RNF130: variants seen among roughly 807,000 people sequenced by gnomAD.
RNF130 encodes the protein E3 ubiquitin-protein ligase RNF130.
RNF130 carries 21 observed loss-of-function variants against 44.6 expected under a neutral mutation model. The observed-to-expected ratio is 0.47, with a 90% confidence interval of 0.33 to 0.68. The LOEUF is 0.68. Ranked by LOEUF, RNF130 falls within the 30% of genes least tolerant of loss-of-function variation. RNF130 has a pLI of 0.02. For missense variants in RNF130, 479 were observed against 560.6 expected, an observed-to-expected ratio of 0.85 and a Z score of 1.47; for synonymous variants, 214 against 210.4, an observed-to-expected ratio of 1.02 and a Z score of -0.15.
chr5:179,991,911 A>T (rs558397723), intron 3 of RNF130, among the ~76,000 whole-genome samples: 1 of 152,048 alleles, frequency 6.6e-6, no homozygotes, highest in Non-Finnish European at 1.5e-5. Flanking sequence ...CATGAGGAGC[A>T]CTCAACCTAG....
chr5:179,987,139 C>G (rs1320028650), intron 3 of RNF130, among the ~76,000 whole-genome samples: 1 of 151,812 alleles, frequency 6.6e-6, no homozygotes, highest in African/African-American at 2.4e-5. Flanking sequence ...CCCTTCCTCC[C>G]TTCCTCCTTT....
chr5:179,965,203 A>G (rs567189310), intron 7 of RNF130, among the ~76,000 whole-genome samples: 1 of 152,292 alleles, frequency 6.6e-6, no homozygotes, highest in Non-Finnish European at 1.5e-5. Flanking sequence ...AAAACACCCA[A>G]TATGCTGGCA....
chr5:179,949,801 C>T (rs919067443), intron 7 of RNF130, among the ~76,000 whole-genome samples: 2 of 152,186 alleles, frequency 1.3e-5, no homozygotes, highest in Non-Finnish European at 2.9e-5. Context: ...TTCAGAAATG[C>T]TGTAAATAAT....
At chr5:180,068,285 G>C (rs1266487945) in intron 1 of RNF130, among the ~76,000 whole-genome samples, 1 of 151,330 alleles carries the variant, frequency 6.6e-6, no homozygotes, top group Non-Finnish European at 1.5e-5. Flanking sequence ...TAAATATTTT[G>C]CTCCTAGTTC....
At chr5:179,970,038 C>G (rs912259497) in intron 6 of RNF130, among the ~76,000 whole-genome samples, 1 of 152,090 alleles carries the variant, frequency 6.6e-6, no homozygotes, top group African/African-American at 2.4e-5. Context: ...TGCCTGTAGT[C>G]CCAGCTACTC....
intron 1 of RNF130, among the ~76,000 whole-genome samples, chr5:180,067,135 T>C (rs1013905073): frequency 6.6e-6 from 1 of 152,172 alleles, no homozygotes; most frequent in African/African-American, 2.4e-5. Context: ...CAGCGCAAGA[T>C]TAGACAGGGC....
At chr5:180,017,105 A>G (rs1763757726) in intron 2 of RNF130, among the ~76,000 whole-genome samples, 1 of 152,186 alleles carries the variant, frequency 6.6e-6, no homozygotes, top group South Asian at 2.1e-4. Context: ...TTTGATCTAG[A>G]ATAGTTCCTC....
chr5:179,933,916 GA>G, intron 7 of RNF130: 1 of 582,842 alleles, frequency 1.7e-6, no homozygotes, highest in Admixed American at 2.3e-5. Context: ...GTCAGAATGG[GA>G]GCAGACTGTT....
chr5:179,978,596 C>T (rs1359523037), intron 4 of RNF130, among the ~76,000 whole-genome samples: 1 of 152,158 alleles, frequency 6.6e-6, no homozygotes, highest in Non-Finnish European at 1.5e-5. Flanking sequence ...CTCCCCATCC[C>T]TCATTCCCCC....
At chr5:179,920,388 T>C (rs1761611371) in exon 8 of RNF130, 3 of 702,460 alleles carry the variant, frequency 4.3e-6, no homozygotes, top group African/African-American at 3.5e-5. Context: ...TACACCAGAC[T>C]CCGAGGGGAC....
chr5:180,068,947 T>C (rs1472624238), intron 1 of RNF130, among the ~76,000 whole-genome samples: 4 of 152,202 alleles, frequency 2.6e-5, no homozygotes, highest in African/African-American at 9.6e-5. Context: ...TTCAAAATTA[T>C]AAGAGCATCA....
chr5:179,963,698 C>T lies in RNF130; in HGVS notation c.1151-134G>A, dbSNP rs1762380299. 5.9e-6 allele frequency: 4 copies of T among 679,034 alleles called. No individual in the cohort carries two copies. In the Admixed American group the frequency reaches 8.6e-5, roughly 15 times the overall value. 42.1% of individuals were successfully genotyped at this position (679,034 alleles called of 1,614,324 possible). On this transcript the variant is annotated intron_variant, in intron 7 of 8. Transcript: ENST00000521389. Reference sequence around the variant, plus strand: ...CCAAGATTGGCCCAAGGAAGTGAAGCAGGAGGTTTGCCAGAGAGCTACTAA... The same window carrying T: ...CCAAGATTGGCCCAAGGAAGTGAAGTAGGAGGTTTGCCAGAGAGCTACTAA...
rs1380806326 is a variant in RNF130, at chr5:179,977,668, A to G, written c.848+535T>C. Among the ~76,000 whole-genome samples the G allele has an allele frequency of 6.6e-6, 1 of 152,148 alleles. No homozygotes were observed. Among genetic ancestry groups the G allele is most frequent in the African/African-American group, 2.4e-5 (1 of 41,422 alleles). ...AGGAGTTCAAGACCAACTGGCCAAC[A>G]TGATGAAACCCCGTCTCTACTAAAA... On this transcript the variant is annotated intron_variant, in intron 5 of 8. Coordinates refer to ENST00000521389, the MANE Select transcript of RNF130 (RefSeq NM_018434.6). This position sits in a 1 kb window ranked among gnomAD's most constrained non-coding sequence, Gnocchi z 4.1.
chr5:179,996,489 GTTCT>G (rs1430026733), intron 3 of RNF130, among the ~76,000 whole-genome samples: 6 of 152,178 alleles, frequency 3.9e-5, no homozygotes, highest in Non-Finnish European at 7.3e-5. Flanking sequence ...GTTGAAGTAT[GTTCT>G]TTCTATACCT....
intron 1 of RNF130, among the ~76,000 whole-genome samples, chr5:180,066,315 G>A (rs188629945): frequency 3.3e-4 from 51 of 152,302 alleles, no homozygotes; most frequent in Non-Finnish European, 1.5e-4. Flanking sequence ...CGCCATGTAA[G>A]AAGTACCTTC....
At chr5:179,958,645 G>A (rs1762260723) in intron 8 of RNF130, among the ~76,000 whole-genome samples, 1 of 152,134 alleles carries the variant, frequency 6.6e-6, no homozygotes, top group African/African-American at 2.4e-5. Flanking sequence ...CTTTCAAAGT[G>A]TCCCGTGTTT....
chr5:180,056,670 C>G (rs965730977), intron 1 of RNF130, among the ~76,000 whole-genome samples: 2 of 152,148 alleles, frequency 1.3e-5, no homozygotes, highest in Non-Finnish European at 2.9e-5. Flanking sequence ...TTAAGAGTGT[C>G]TTATGGACAC....
At chr5:179,970,965 A>T (rs1317179911) in intron 5 of RNF130, among the ~76,000 whole-genome samples, 1 of 152,232 alleles carries the variant, frequency 6.6e-6, no homozygotes, top group Non-Finnish European at 1.5e-5. Context: ...CATCATTTTT[A>T]AAAACTTCTA....
chr5:180,065,950 T>C (rs1023572179), intron 1 of RNF130, among the ~76,000 whole-genome samples: 1 of 152,156 alleles, frequency 6.6e-6, no homozygotes, highest in Admixed American at 6.6e-5. Context: ...AAGATAAAAA[T>C]TTTACATATT....
Sources: gnomAD v4.1 joint callset for allele counts (sites outside exome capture counted in the v4.1 genomes callset) on GRCh38, gnomAD v4.1.1 for gene constraint, Gnocchi (gnomAD v3.1) non-coding constraint, MANE v1.5 for transcripts, NCBI Gene and HGNC (gene_info 2026-07-23, HGNC 2026-07-21) for gene names.